The following ARAP2 variants were observed in gnomAD, a reference collection of about 807,000 sequenced individuals.
ARAP2 encodes ArfGAP with RhoGAP domain, ankyrin repeat and PH domain 2.
A neutral mutation model predicts 194.5 loss-of-function variants in ARAP2; 148 were observed. That is an observed-to-expected ratio of 0.76 (90% CI 0.67 to 0.87). ARAP2 has a LOEUF of 0.87. Ranked by LOEUF, ARAP2 falls within the 40% of genes least tolerant of loss-of-function variation. The pLI, the probability that ARAP2 is intolerant of heterozygous loss-of-function variation, is 0.00. For synonymous variants in ARAP2, 695 were observed against 683.5 expected (o/e 1.02, Z -0.26); for missense variants, 2,128 against 1,989.7 (o/e 1.07, Z -1.32).
chr4:36,150,921 T>C lies in ARAP2; in HGVS notation c.2876A>G (p.Glu959Gly), dbSNP rs1730818133. 1 of 1,612,820 alleles carries C rather than the reference T, an allele frequency of 6.2e-7. No homozygotes were observed. Among genetic ancestry groups the C allele is most frequent in the South Asian group, 1.1e-5 (1 of 90,710 alleles). Residue 959 changes from glutamate to glycine, a missense_variant, in exon 16 of 33, where the codon GAG (glutamate) becomes GGG (glycine). Physicochemically the swap from Glu to Gly is moderately conservative, Grantham distance 98. Coordinates refer to ENST00000303965, the MANE Select transcript of ARAP2 (RefSeq NM_015230.4). ...CTACCCAGTATTTAAATAGAAGTCC[T>C]CTTTGTGTATAGCCAGGCAGATAAC... ...NEVICLAIHK[E>G]DFYLNTGPIF...
chr4:36,102,547 A>G (rs1717242077), intron 27 of ARAP2, among the ~76,000 whole-genome samples: 1 of 152,038 alleles, frequency 6.6e-6, no homozygotes, highest in African/African-American at 2.4e-5. Context: ...AGCATGCACA[A>G]GAAAAACTAA....
chr4:36,042,846 CTTT>C (rs35695121), intron 5 of ARAP2, among the ~76,000 whole-genome samples: 1 of 124,632 alleles, frequency 8.0e-6, no homozygotes, highest in African/African-American at 2.8e-5. Flanking sequence ...TTTTTTTCTT[CTTT>C]TTTTTTTTTT....
chr4:36,022,901 A>G (rs767027353), intron 5 of ARAP2, among the ~76,000 whole-genome samples: 1 of 152,200 alleles, frequency 6.6e-6, no homozygotes, highest in Admixed American at 6.5e-5. Context: ...TGGTGTCTTC[A>G]GGTAACATCA....
At chr4:36,083,093 G>T (rs549622519) in intron 29 of ARAP2, among the ~76,000 whole-genome samples, 1 of 152,054 alleles carries the variant, frequency 6.6e-6, no homozygotes. Context: ...CTTCCCAGTA[G>T]ACAGAGCCTC....
intron 2 of ARAP2, among the ~76,000 whole-genome samples, chr4:36,221,342 C>A (rs1749126985): frequency 6.6e-6 from 1 of 151,716 alleles, no homozygotes; most frequent in South Asian, 2.1e-4. Flanking sequence ...ATATAGCATA[C>A]AGATAAAAAA....
chr4:36,034,189 A>G (rs1180536609), intron 5 of ARAP2, among the ~76,000 whole-genome samples: 1 of 152,114 alleles, frequency 6.6e-6, no homozygotes, highest in Admixed American at 6.6e-5. Flanking sequence ...GAAGAATGTC[A>G]TTGGTAGTAA....
intron 22 of ARAP2, among the ~76,000 whole-genome samples, chr4:36,121,945 G>T (rs1722768756): frequency 6.6e-6 from 1 of 151,608 alleles, no homozygotes; most frequent in Non-Finnish European, 1.5e-5. Flanking sequence ...GAACAGAAAT[G>T]AACGAAGGAG....
chr4:36,125,861 C>G (rs1245971535), intron 21 of ARAP2, among the ~76,000 whole-genome samples: 1 of 152,052 alleles, frequency 6.6e-6, no homozygotes. Flanking sequence ...CAATTCGCAA[C>G]TATCTTTGGA....
Position 36,068,070 on chromosome 4 carries a change from T to C in ARAP2, c.4952A>G (p.His1651Arg). 6.2e-7 allele frequency: 1 copy of C among 1,614,186 alleles called. No homozygotes were observed. The highest frequency in any genetic ancestry group is 8.5e-7 in the Non-Finnish European group (1 of 1,180,002). ...PEAPLGQPKG[H>R]KGLKTLRKTE... The stretch of plus-strand genomic sequence containing the variant: ...CTTCCTCAATGTCTTTAGGCCTTTA[T>C]GGCCTTTTGGTTGCCCAAGTGGGGC... Residue 1651 changes from histidine (H) to arginine (R), a missense_variant, in exon 33 of 33, where the codon CAT becomes CGT. By Grantham distance (29) the His-to-Arg change is conservative. Transcript: ENST00000303965.
At position 36,213,290 on chromosome 4, in the gene ARAP2, A is replaced by G. The variant is rs1747167764; in HGVS notation, c.994T>C (p.Phe332Leu). ...NSNEENSSSI[F>L]PYGETFLFQR... ...AAGAGAAAGGTCTCTCCATAAGGAA[A>G]GATGGAAGATGAATTCTCCTCATTT... The change falls in exon 4 of 33, where the codon TTT (phenylalanine) becomes CTT (leucine). Residue 332 changes from phenylalanine to leucine, a missense_variant. Physicochemically the swap from Phe to Leu is conservative, Grantham distance 22. Transcript: ENST00000303965. The G allele has an allele frequency of 3.7e-6, 6 of 1,608,372 alleles. No homozygotes were observed. The highest frequency in any genetic ancestry group is 5.1e-6 in the Non-Finnish European group (6 of 1,175,144).
chr4:36,061,690 T>C (rs529507250), downstream of ARAP2, among the ~76,000 whole-genome samples: 7 of 152,202 alleles, frequency 4.6e-5, no homozygotes, highest in Non-Finnish European at 1.0e-4. Context: ...AGCAGTGGGA[T>C]TGTTGGATCA....
intron 8 of ARAP2, among the ~76,000 whole-genome samples, chr4:36,180,764 G>A (rs893666140): frequency 4.6e-5 from 7 of 152,128 alleles, no homozygotes; most frequent in African/African-American, 1.7e-4. Context: ...CCTTACTTTG[G>A]CTGCATCTCA....
At chr4:36,042,300 G>A (rs2109228668) in intron 5 of ARAP2, among the ~76,000 whole-genome samples, 1 of 152,310 alleles carries the variant, frequency 6.6e-6, no homozygotes, top group East Asian at 1.9e-4. Context: ...GAAGCACTAA[G>A]GGTAGGTCAT....
intron 9 of ARAP2, among the ~76,000 whole-genome samples, chr4:36,008,971 G>A (rs1007405828): frequency 6.6e-6 from 1 of 152,042 alleles, no homozygotes; most frequent in Non-Finnish European, 1.5e-5. Flanking sequence ...AATCATCAGA[G>A]AAATACAAAT....
intron 25 of ARAP2, among the ~76,000 whole-genome samples, chr4:36,116,076 T>C (rs1021595960): frequency 2.0e-5 from 3 of 151,966 alleles, no homozygotes; most frequent in Non-Finnish European, 2.9e-5. Flanking sequence ...ATGATCAGCA[T>C]TATGCATTCA....
intron 6 of ARAP2, among the ~76,000 whole-genome samples, chr4:36,199,009 C>T (rs1743790668): frequency 6.6e-6 from 1 of 152,220 alleles, no homozygotes; most frequent in Non-Finnish European, 1.5e-5. Context: ...AGGCCTGGGT[C>T]CCACAGCCAC....
intron 5 of ARAP2, among the ~76,000 whole-genome samples, chr4:36,036,467 C>G (rs578166867): frequency 6.6e-6 from 1 of 151,924 alleles, no homozygotes; most frequent in East Asian, 1.9e-4. Flanking sequence ...TTATTACATT[C>G]TTCAAAATAA....
At chr4:36,111,896 T>A (rs962640794) in intron 26 of ARAP2, among the ~76,000 whole-genome samples, 1 of 151,968 alleles carries the variant, frequency 6.6e-6, no homozygotes, top group Non-Finnish European at 1.5e-5. Flanking sequence ...ACTCAAACTT[T>A]GAGAGGGCAA....
At chr4:36,111,377 C>T (rs866015762) in intron 26 of ARAP2, among the ~76,000 whole-genome samples, 1 of 151,884 alleles carries the variant, frequency 6.6e-6, no homozygotes, top group Non-Finnish European at 1.5e-5. Flanking sequence ...CCCACATAAC[C>T]ACAGGCCCTT....
Sources: allele counts gnomAD v4.1 joint callset (sites outside exome capture counted in the v4.1 genomes callset), GRCh38; gene constraint gnomAD v4.1.1; transcripts MANE v1.5; gene names NCBI Gene and HGNC (gene_info 2026-07-23, HGNC 2026-07-21).